DNAH11: variants seen among roughly 807,000 people sequenced by gnomAD.
DNAH11 encodes the protein axonemal beta dynein heavy chain 11.
A neutral mutation model predicts 526.0 loss-of-function variants in DNAH11; 442 were observed. The observed-to-expected ratio is 0.84, with a 90% CI of 0.78 to 0.91. DNAH11 has a LOEUF of 0.91. Ranked by LOEUF, DNAH11 falls within the 40% of genes least tolerant of loss-of-function variation. The pLI, the probability that DNAH11 is intolerant of heterozygous loss-of-function variation, is 0.00. For missense variants in DNAH11, 6,989 were observed against 5,448.7 expected (o/e 1.28, Z -8.90); for synonymous variants, 2,461 against 1,935.9 (o/e 1.27, Z -7.12).
chr7:21,641,676 A>G (rs559488290), intron 28 of DNAH11, among the ~76,000 whole-genome samples: 252 of 152,334 alleles, frequency 1.7e-3, no homozygotes, highest in African/African-American at 5.8e-3. Context: ...GATTTTTCAG[A>G]TTTCAGTGAT....
Position 21,601,004 on chromosome 7 carries a change from C to T in DNAH11, c.3256-6C>T. 2 of 1,610,630 alleles carry T rather than the reference C, an allele frequency of 1.2e-6. No homozygotes were observed. Among genetic ancestry groups the T allele is most frequent in the Non-Finnish European group, 1.7e-6 (2 of 1,179,192 alleles). On this transcript the variant is annotated splice_region_variant and splice_polypyrimidine_tract_variant and intron_variant, in intron 16 of 81. Transcript: ENST00000409508. ...GTTGTTCTAATTAATCTTTTTCTCA[C>T]TACAGATTGACATTTATGAAGCTTT...
intron 25 of DNAH11, among the ~76,000 whole-genome samples, chr7:21,631,226 C>T (rs1786589542): frequency 6.6e-6 from 1 of 152,142 alleles, no homozygotes; most frequent in East Asian, 1.9e-4. Flanking sequence ...CTCCGTGATT[C>T]AGTTACCTCC....
intron 9 of DNAH11, 53 bp downstream of exon 9, chr7:21,582,074 TGTTA>T: frequency 1.7e-6 from 2 of 1,176,426 alleles, no homozygotes; most frequent in Non-Finnish European, 2.5e-6. Context: ...TAATATAGGC[TGTTA>T]AATGAAAGGG....
intron 18 of DNAH11, among the ~76,000 whole-genome samples, 187 bp downstream of exon 18, chr7:21,601,805 T>C (rs1247742040): frequency 6.6e-6 from 1 of 152,076 alleles, no homozygotes; most frequent in African/African-American, 2.4e-5. Context: ...GTCATGCAAA[T>C]AGTAAAGCCA....
At chr7:21,830,755 A>G (rs923980443) in intron 65 of DNAH11, among the ~76,000 whole-genome samples, 1 of 152,054 alleles carries the variant, frequency 6.6e-6, no homozygotes, top group African/African-American at 2.4e-5. Context: ...ATGAAACAGC[A>G]TGTTTTTTAC....
chr7:21,900,342 C>G (rs904699048), intron 81 of DNAH11, among the ~76,000 whole-genome samples: 7 of 105,042 alleles, frequency 6.7e-5, no homozygotes, highest in Middle Eastern at 4.9e-3. Flanking sequence ...AAATTTTGCA[C>G]ATATATCTGG....
chr7:21,616,586 G>T (rs1326624935), intron 22 of DNAH11, among the ~76,000 whole-genome samples: 1 of 152,124 alleles, frequency 6.6e-6, no homozygotes, highest in Admixed American at 6.5e-5. Context: ...GGGCCAAGGG[G>T]TCAGGCTTCT....
At chr7:21,587,972 G>A (rs2128442591) in intron 9 of DNAH11, 92 bp from the exon 10 acceptor site, 1 of 1,211,004 alleles carries the variant, frequency 8.3e-7, no homozygotes. Context: ...CTAAACTTTA[G>A]TCATGTAAGA....
chr7:21,896,949 A>G (rs1784536396), intron 79 of DNAH11, among the ~76,000 whole-genome samples: 1 of 152,008 alleles, frequency 6.6e-6, no homozygotes, highest in Admixed American at 6.6e-5. Context: ...GTGGCATGCG[A>G]CTGTAGTCCT....
chr7:21,711,895 G>A (rs536093327), intron 42 of DNAH11, 35 bp downstream of exon 42: 10 of 1,567,062 alleles, frequency 6.4e-6, no homozygotes, highest in Non-Finnish European at 7.8e-6. Context: ...GTAGTAAATT[G>A]TATGTAACAT....
intron 2 of DNAH11, among the ~76,000 whole-genome samples, chr7:21,550,399 T>TGGCC (rs1782976779): frequency 6.6e-6 from 1 of 152,188 alleles, no homozygotes; most frequent in South Asian, 2.1e-4. Context: ...GGCCAGTATA[T>TGGCC]AATGTCTTAA....
intron 2 of DNAH11, among the ~76,000 whole-genome samples, chr7:21,558,367 G>A (rs2128430563): frequency 6.6e-6 from 1 of 152,256 alleles, no homozygotes; most frequent in East Asian, 1.9e-4. Context: ...ACATCTTTCT[G>A]ACTACCCAAA....
chr7:21,788,210 G>T (rs998645380), intron 60 of DNAH11, among the ~76,000 whole-genome samples: 3 of 152,166 alleles, frequency 2.0e-5, no homozygotes, highest in African/African-American at 7.2e-5. Context: ...CAACTCTGAA[G>T]AACTCTCATT....
chr7:21,588,747 C>G lies in DNAH11; in HGVS notation c.1973+111C>G, dbSNP rs72655993. On this transcript the variant is annotated intron_variant, in intron 11 of 81. Transcript: ENST00000409508. ...ACTTAGGAAGCCATTGCCCTGTTCACTTCTCTCACTGGTTGGGTTTGTGGA... is the reference window on the plus strand; with the variant it reads ...ACTTAGGAAGCCATTGCCCTGTTCAGTTCTCTCACTGGTTGGGTTTGTGGA... 7.9e-3 allele frequency: 9,890 copies of G among 1,253,850 alleles called. 54 individuals carry two copies. The highest frequency in any genetic ancestry group is 0.01 in the Non-Finnish European group (8,967 of 886,958). The allele number at this position is 1,253,850 out of a possible 1,614,324, so 77.7% of individuals were successfully genotyped here.
chr7:21,636,096 G>C lies in DNAH11; in HGVS notation c.4725+1G>C. The C allele has an allele frequency of 6.2e-7, 1 of 1,605,478 alleles. No individual in the cohort carries two copies. The highest frequency in any genetic ancestry group is 8.5e-7 in the Non-Finnish European group (1 of 1,174,478). ...TGATGGGGTGGATGCTGAATTTAAG[G>C]TTTGTCAAAGACAGGCTGTATGCTA... On this transcript the variant is annotated splice_donor_variant, in intron 26 of 81. Coordinates refer to ENST00000409508, the MANE Select transcript of DNAH11 (RefSeq NM_001277115.2). LOFTEE classifies it high-confidence loss of function.
chr7:21,659,113 T>C, intron 30 of DNAH11, 82 bp downstream of exon 30: 1 of 1,179,734 alleles, frequency 8.5e-7, no homozygotes, highest in South Asian at 1.6e-5. Context: ...AGTCATTCAT[T>C]TACCGAGTGT....
chr7:21,813,535 C>T (rs1789625618), intron 63 of DNAH11, among the ~76,000 whole-genome samples: 1 of 152,210 alleles, frequency 6.6e-6, no homozygotes, highest in South Asian at 2.1e-4. Context: ...GGCAGTATTA[C>T]CTCCACAGGA....
intron 42 of DNAH11, among the ~76,000 whole-genome samples, chr7:21,712,504 G>C (rs573110206): frequency 2.0e-5 from 3 of 152,230 alleles, no homozygotes; most frequent in East Asian, 3.9e-4. Context: ...AGTGTACAAG[G>C]CTTCTAATCT....
In DNAH11 at chr7:21,880,883, C is replaced by G. The variant is rs140189037; in HGVS notation, c.12377C>G (p.Ala4126Gly). 2.5e-6 allele frequency: 4 copies of G among 1,603,898 alleles called. No individual in the cohort carries two copies. In the African/African-American group the frequency reaches 4.0e-5, roughly 16 times the overall value. ...AGTGTCCTCTACAACTACTTAGAGGCAAACTCTAAAGTAAGTGCTAGTGGT... is the reference window on the plus strand; with the variant it reads ...AGTGTCCTCTACAACTACTTAGAGGGAAACTCTAAAGTAAGTGCTAGTGGT... ...CASVLYNYLEANSKVPWEDLR... is the reference protein window; with the variant it reads ...CASVLYNYLEGNSKVPWEDLR... The change falls in exon 75 of 82, where the codon GCA becomes GGA. Residue 4126 changes from alanine to glycine, a missense_variant. Coordinates refer to ENST00000409508, the MANE Select transcript of DNAH11 (RefSeq NM_001277115.2).
Sources: allele counts gnomAD v4.1 joint callset (sites outside exome capture counted in the v4.1 genomes callset), GRCh38; gene constraint gnomAD v4.1.1; transcripts MANE v1.5; gene names NCBI Gene and HGNC (gene_info 2026-07-23, HGNC 2026-07-21).